Variants in FMR1 observed in about 807,000 individuals in gnomAD.
FMR1 encodes FMRP translational regulator 1.
Under a neutral mutation model 50.6 loss-of-function variants are expected in FMR1, and 13 were observed. The observed-to-expected ratio is 0.26, with a 90% CI of 0.17 to 0.41. The LOEUF is 0.41. Among genes scored for constraint, FMR1 ranks in the 10% least tolerant of loss-of-function variants. The pLI is 1.00. For synonymous variants in FMR1, 138 were observed against 164.1 expected (o/e 0.84, Z 1.22); for missense variants, 316 against 491.3 (o/e 0.64, Z 3.37).
At chrX:147,946,606 G>A (rs1557182035) in intron 16 of FMR1, among the ~76,000 whole-genome samples, 1 of 112,372 alleles carries the variant, frequency 8.9e-6, no homozygotes, top group African/African-American at 3.2e-5. Flanking sequence ...CACTTTATAG[G>A]TGAGTGCACT....
Position 147,950,080 on chromosome X carries a change from GTC to G in FMR1, c.*1238_*1239del, listed in dbSNP as rs1344633791. The G allele has an allele frequency of 1.9e-5, 6 of 319,085 alleles. No individual in the cohort carries two copies. Among genetic ancestry groups the G allele is most frequent in the Non-Finnish European group, 3.6e-5 (6 of 167,280 alleles). The allele number at this position is 319,085 out of a possible 1,213,427, so 26.3% of individuals were successfully genotyped here. On this transcript the variant is annotated 3_prime_UTR_variant, in exon 17 of 17. Transcript: ENST00000370475. ...GTTGGGGTTTGGTTTTGTTTTTTGA[GTC>G]TTTTTTTTTTAAGTGAAATTTATTG... is the stretch of plus-strand genomic sequence containing the variant.
intron 1 of FMR1, among the ~76,000 whole-genome samples, chrX:147,915,930 A>G (rs1304760083): frequency 8.9e-6 from 1 of 112,343 alleles, no homozygotes; most frequent in African/African-American, 3.2e-5. Context: ...TTAGTTTTCA[A>G]TTTCATGGTG....
At chrX:147,919,754 A>G (rs1294496947) in intron 1 of FMR1, among the ~76,000 whole-genome samples, 4 of 112,172 alleles carry the variant, frequency 3.6e-5, no homozygotes, top group African/African-American at 1.3e-4. Context: ...GAAGCTTGGT[A>G]TCTCTGTTTA....
rs1557183262 is a variant in FMR1, at chrX:147,950,062, T to C, written c.*1218T>C. The C allele has an allele frequency of 6.2e-6, 2 of 322,640 alleles. No individual in the cohort carries two copies. The highest frequency in any genetic ancestry group is 3.2e-5 in the Admixed American group (1 of 31,185). The allele number at this position is 322,640 out of a possible 1,213,427, so 26.6% of individuals were successfully genotyped here. A position where few individuals can be genotyped will look rare whatever the true frequency, so the allele number is the denominator to read the frequency against. On this transcript the variant is annotated 3_prime_UTR_variant, in exon 17 of 17. Coordinates refer to ENST00000370475, the MANE Select transcript of FMR1 (RefSeq NM_002024.6). ...TCTTTTGTTTTTTGAAGTGTTGGGG[T>C]TTGGTTTTGTTTTTTGAGTCTTTTT... is the stretch of plus-strand genomic sequence containing the variant.
Position 147,929,011 on chromosome X carries a change from G to A in FMR1, c.419+204G>A, listed in dbSNP as rs25708. ...ACTTATAGAATCAAGGCAGCCTTGC[G>A]CTTGTTTAAACTTACTTGGCTATAC... On this transcript the variant is annotated intron_variant, in intron 5 of 16. Transcript: ENST00000370475. Among the ~76,000 whole-genome samples, 9,300 of 111,741 alleles carry A rather than the reference G, an allele frequency of 0.083. 639 individuals carry two copies. The highest frequency in any genetic ancestry group is 0.57 in the East Asian group (1,997 of 3,496).
rs782453023 is a variant in FMR1 at position 147,949,675 on chromosome X, A to G, written c.*831A>G. On this transcript the variant is annotated 3_prime_UTR_variant, in exon 17 of 17. Transcript: ENST00000370475. ...TGTATAGACAGGAGAAGAAAGAACT[A>G]TCTTCATCTGAGAGAGGCTAAAATG... The G allele has an allele frequency of 9.2e-6, 3 of 327,832 alleles. No homozygotes were observed. Among genetic ancestry groups the G allele is most frequent in the East Asian group, 2.0e-4 (2 of 10,241 alleles). The allele number at this position is 327,832 out of a possible 1,213,427, so 27.0% of individuals were successfully genotyped here.
intron 13 of FMR1, among the ~76,000 whole-genome samples, chrX:147,940,989 A>G (rs1557180749): frequency 8.9e-6 from 1 of 111,896 alleles, no homozygotes; most frequent in Non-Finnish European, 1.9e-5. Context: ...TTTTCCAGAC[A>G]AAAATCTGTG....
At chrX:147,919,946 C>T (rs1359423078) in intron 1 of FMR1, among the ~76,000 whole-genome samples, 1 of 112,379 alleles carries the variant, frequency 8.9e-6, no homozygotes, top group Non-Finnish European at 1.9e-5. Flanking sequence ...AAGACATCTG[C>T]ATTGAACCAT....
chrX:147,948,976 A>T lies in FMR1; in HGVS notation c.*132A>T, dbSNP rs1557182777. 4.3e-6 allele frequency: 3 copies of T among 696,453 alleles called. No individual in the cohort carries two copies. The highest frequency in any genetic ancestry group is 6.7e-6 in the Non-Finnish European group (3 of 444,820). The allele number at this position is 696,453 out of a possible 1,213,427, so 57.4% of individuals were successfully genotyped here. On this transcript the variant is annotated 3_prime_UTR_variant, in exon 17 of 17. Coordinates refer to ENST00000370475, the MANE Select transcript of FMR1 (RefSeq NM_002024.6). Reference sequence around the variant, plus strand: ...GCATGAAATGAACACAAATTATGCTAAGAATTTTTTATTTTTTGGTATTGG... The same window carrying T: ...GCATGAAATGAACACAAATTATGCTTAGAATTTTTTATTTTTTGGTATTGG...
At chrX:147,936,189 C>G (rs1249896034) in intron 9 of FMR1, among the ~76,000 whole-genome samples, 2 of 111,438 alleles carry the variant, frequency 1.8e-5, no homozygotes, top group African/African-American at 6.5e-5. Context: ...TAAAGCGTAC[C>G]CTTTTGTGCA....
chrX:147,936,038 C>T (rs782750016), intron 9 of FMR1, among the ~76,000 whole-genome samples: 1 of 111,957 alleles, frequency 8.9e-6, no homozygotes, highest in South Asian at 3.7e-4. Context: ...TTACCATGGA[C>T]AAAGAAGCAG....
chrX:147,949,757 T>C lies in FMR1; in HGVS notation c.*913T>C, dbSNP rs1233709053. On this transcript the variant is annotated 3_prime_UTR_variant, in exon 17 of 17. Transcript: ENST00000370475. ...AAGTTAGTAGGATATGCCTGCTCTTTGGCCTGATGACCAATTTTAACTTAG... is the reference window on the plus strand; with the variant it reads ...AAGTTAGTAGGATATGCCTGCTCTTCGGCCTGATGACCAATTTTAACTTAG... The C allele has an allele frequency of 3.1e-6, 1 of 326,587 alleles. No homozygotes were observed. The highest frequency in any genetic ancestry group is 5.9e-6 in the Non-Finnish European group (1 of 169,422). The allele number at this position is 326,587 out of a possible 1,213,427, so 26.9% of individuals were successfully genotyped here.
chrX:147,928,986 A>G (rs1557178114), intron 5 of FMR1, among the ~76,000 whole-genome samples, 179 bp downstream of exon 5: 2 of 112,117 alleles, frequency 1.8e-5, no homozygotes, highest in African/African-American at 3.2e-5. Flanking sequence ...AACTTTTCCT[A>G]CTTATAGAAT....
intron 13 of FMR1, among the ~76,000 whole-genome samples, chrX:147,941,178 C>G (rs1299604277): frequency 1.8e-5 from 2 of 111,663 alleles, no homozygotes; most frequent in African/African-American, 6.5e-5. Flanking sequence ...GTTATGCCTC[C>G]TTAAAATTTC....
chrX:147,944,053 A>G (rs2124568508), intron 14 of FMR1: 1 of 432,802 alleles, frequency 2.3e-6, no homozygotes, highest in South Asian at 1.2e-4. Flanking sequence ...ATTAGCTCCA[A>G]CAGAGGAAGA....
intron 1 of FMR1, chrX:147,914,512 A>ATT (rs1258600349): frequency 1.8e-5 from 2 of 112,400 alleles, no homozygotes; most frequent in Non-Finnish European, 3.8e-5. Context: ...CATCAAATTG[A>ATT]TAGAAAAGCT....
At chrX:147,943,072 A>C in intron 13 of FMR1, 59 bp from the exon 14 acceptor site, 1 of 964,884 alleles carries the variant, frequency 1.0e-6, no homozygotes, top group Non-Finnish European at 1.5e-6. Flanking sequence ...AAAAGGAGAA[A>C]GGTTTTATTA....
chrX:147,928,397 G>C lies in FMR1; in HGVS notation c.270+4G>C. 5.9e-6 allele frequency: 7 copies of C among 1,183,192 alleles called. No individual in the cohort carries two copies. The highest frequency in any genetic ancestry group is 8.0e-6 in the Non-Finnish European group (7 of 870,565). On this transcript the variant is annotated splice_donor_region_variant and intron_variant, in intron 4 of 16. Coordinates refer to ENST00000370475, the MANE Select transcript of FMR1 (RefSeq NM_002024.6). ...AGTGAGGATGATAAAGGGTGAGGTA[G>C]GAAAATGCCTATTTAAATTTTTTTC...
chrX:147,938,088 T>C lies in FMR1; in HGVS notation c.1126-11T>C, dbSNP rs901164224. 8 of 1,195,640 alleles carry C rather than the reference T, an allele frequency of 6.7e-6. No individual in the cohort carries two copies. Among genetic ancestry groups the C allele is most frequent in the African/African-American group, 3.5e-5 (2 of 57,119 alleles). On this transcript the variant is annotated splice_polypyrimidine_tract_variant and intron_variant, in intron 11 of 16. Coordinates refer to ENST00000370475, the MANE Select transcript of FMR1 (RefSeq NM_002024.6). ...TTAATGACATCCCTTGCATTCCTTATACTGCTTTAGGTGTTAGTGGCTTCA... is the reference window on the plus strand; with the variant it reads ...TTAATGACATCCCTTGCATTCCTTACACTGCTTTAGGTGTTAGTGGCTTCA...
Sources: gnomAD v4.1 joint callset for allele counts (sites outside exome capture counted in the v4.1 genomes callset) on GRCh38, gnomAD v4.1.1 for gene constraint, MANE v1.5 for transcripts, NCBI Gene and HGNC (gene_info 2026-07-23, HGNC 2026-07-21) for gene names.